Variants in INTS2 observed in about 807,000 individuals in gnomAD.
The protein encoded by INTS2 is integrator complex subunit 2.
In INTS2, 57 loss-of-function variants were observed where a neutral mutation model predicts 139.6. The observed-to-expected ratio is 0.41, with a 90% CI of 0.33 to 0.51. The LOEUF (loss-of-function observed/expected upper bound fraction) is 0.51, where lower values mean the gene tolerates loss of function less well. INTS2 is among the 20% of genes least tolerant of loss of function. The pLI, the probability that INTS2 is intolerant of heterozygous loss-of-function variation, is 0.28. For synonymous variants in INTS2, 473 were observed against 493.4 expected, an observed-to-expected ratio of 0.96 and a Z score of 0.55; for missense variants, 1,196 against 1,436.7, an observed-to-expected ratio of 0.83 and a Z score of 2.71.
In INTS2 at chr17:61,926,350, A is replaced by T; in HGVS notation, c.293+2T>A. On this transcript the variant is annotated splice_donor_variant, in intron 2 of 24. Transcript: ENST00000251334. LOFTEE classifies it high-confidence loss of function. ...TCCACATATAATATAACATAACATTACCTAAGCTGCTGTTCTTTGCTGGCA... is the reference window on the plus strand; with the variant it reads ...TCCACATATAATATAACATAACATTTCCTAAGCTGCTGTTCTTTGCTGGCA... The T allele has an allele frequency of 6.3e-7, 1 of 1,586,356 alleles. No individual in the cohort carries two copies. Among genetic ancestry groups the T allele is most frequent in the Non-Finnish European group, 8.6e-7 (1 of 1,162,294 alleles).
At position 61,868,568 on chromosome 17, in the gene INTS2, A is replaced by C. The variant is rs2079064415; in HGVS notation, c.3244+466T>G. ...TTATTTTCAGACCATTTTATTCTAC[A>C]AACCAGAAGGTGGTTAAAATATCAG... On this transcript the variant is annotated intron_variant, in intron 23 of 24. Transcript: ENST00000251334. This position sits in a 1 kb window ranked among gnomAD's most constrained non-coding sequence, Gnocchi z 4.7. 6.6e-6 allele frequency among the ~76,000 whole-genome samples: 1 copy of C among 152,160 alleles called. No individual in the cohort carries two copies. Among genetic ancestry groups the C allele is most frequent in the Admixed American group, 6.5e-5 (1 of 15,278 alleles).
intron 8 of INTS2, among the ~76,000 whole-genome samples, chr17:61,906,313 C>A (rs992329478): frequency 1.3e-5 from 2 of 152,152 alleles, no homozygotes; most frequent in African/African-American, 4.8e-5. Context: ...AAATCCCAAA[C>A]GCTTCTGGTC....
intron 1 of INTS2, 68 bp from the exon 2 acceptor site, chr17:61,926,730 A>G (rs746187776): frequency 1.8e-5 from 23 of 1,266,004 alleles, no homozygotes; most frequent in Non-Finnish European, 2.5e-5. Context: ...AACTTTCTAA[A>G]AACCCTGAAA....
At chr17:61,911,383 A>T in intron 7 of INTS2, 137 bp downstream of exon 7, 3 of 618,264 alleles carry the variant, frequency 4.9e-6, no homozygotes, top group Non-Finnish European at 7.5e-6. Flanking sequence ...GTGATTTTTT[A>T]AAATATAAGG....
Position 61,927,930 on chromosome 17 carries a change from A to C in INTS2, c.-295T>G. The C allele has an allele frequency of 6.2e-7, 1 of 1,614,018 alleles. No homozygotes were observed. Among genetic ancestry groups the C allele is most frequent in the Non-Finnish European group, 8.5e-7 (1 of 1,179,896 alleles). On this transcript the variant is annotated 5_prime_UTR_variant, in exon 1 of 25. Transcript: ENST00000251334. ...CGGGAGACTTTTTCAACCTGCACCC[A>C]GCACCTTCATTCATCCCCAGCGTCT...
chr17:61,885,723 ATTTTT>A (rs1306536844), intron 15 of INTS2, among the ~76,000 whole-genome samples: 2 of 87,200 alleles, frequency 2.3e-5, no homozygotes, highest in Non-Finnish European at 2.1e-5. Context: ...GGCCCGGCCA[ATTTTT>A]TTTTTTTTTT....
At chr17:61,901,998 T>C (rs573679370) in intron 9 of INTS2, among the ~76,000 whole-genome samples, 1 of 152,304 alleles carries the variant, frequency 6.6e-6, no homozygotes, top group Admixed American at 6.5e-5. Flanking sequence ...ATTGATAGTT[T>C]GATGGGGTAT....
At position 61,882,580 on chromosome 17, in the gene INTS2, T is replaced by C. The variant is rs898517805; in HGVS notation, c.2090-1409A>G. ...CCTGTCTCTACTAAAAATACAAAAA[T>C]TAGCCAGGCGTGGTGGCACACGCCT... On this transcript the variant is annotated intron_variant, in intron 16 of 24. Transcript: ENST00000251334. The surrounding 1 kb of genome is among the most constrained non-coding windows in gnomAD (Gnocchi z 4.7). 5.9e-5 allele frequency among the ~76,000 whole-genome samples: 9 copies of C among 152,042 alleles called. No individual in the cohort carries two copies. The highest frequency in any genetic ancestry group is 2.2e-4 in the African/African-American group (9 of 41,408).
intron 2 of INTS2, among the ~76,000 whole-genome samples, chr17:61,925,439 T>A (rs1279747190): frequency 1.3e-5 from 2 of 151,720 alleles, no homozygotes; most frequent in Non-Finnish European, 2.9e-5. Flanking sequence ...AAGCCGGGCA[T>A]GGTGGCGCGT....
rs77293267 is a variant in INTS2, at chr17:61,901,435, T to G, written c.1307+3025A>C. On this transcript the variant is annotated intron_variant, in intron 9 of 24. Transcript: ENST00000251334. ...CTCTTCAAAATCAGTATGACTAATATCAAAGAAATTATGCTATAATGAACC... is the reference window on the plus strand; with the variant it reads ...CTCTTCAAAATCAGTATGACTAATAGCAAAGAAATTATGCTATAATGAACC... 3.2e-3 allele frequency among the ~76,000 whole-genome samples: 491 copies of G among 151,180 alleles called. 2 individuals carry two copies. The highest frequency in any genetic ancestry group is 0.011 in the African/African-American group (444 of 41,294).
Position 61,872,599 on chromosome 17 carries a change from T to C in INTS2, c.2583-139A>G, listed in dbSNP as rs938564489. 4 of 494,948 alleles carry C rather than the reference T, an allele frequency of 8.1e-6. No individual in the cohort carries two copies. The highest frequency in any genetic ancestry group is 5.5e-5 in the South Asian group (1 of 18,210). 30.7% of individuals were successfully genotyped at this position (494,948 alleles called of 1,614,324 possible). A position where few individuals can be genotyped will look rare whatever the true frequency, so the allele number is the denominator to read the frequency against. On this transcript the variant is annotated intron_variant, in intron 19 of 24. Coordinates refer to ENST00000251334, the MANE Select transcript of INTS2 (RefSeq NM_001351695.2). This position sits in a 1 kb window ranked among gnomAD's most constrained non-coding sequence, Gnocchi z 4.8. Reference sequence around the variant, plus strand: ...TAACTTTTCCCACTAAAATATTCATTCTCAAAAGTTTAATATATGTTTCTT... The same window carrying C: ...TAACTTTTCCCACTAAAATATTCATCCTCAAAAGTTTAATATATGTTTCTT...
chr17:61,891,519 G>T lies in INTS2; in HGVS notation c.1869C>A (p.Val623=). ...AAAAGAACCACTATTTTACCCCAAT[G>T]ACTCCTTGGAAAATATTGAGTATCT... ...EQEILNIFQG[V]IGGDNIRLNQ... Residue 623 remains valine (V), a synonymous_variant, in exon 14 of 25, where the codon GTC becomes GTA. Transcript: ENST00000251334. The T allele has an allele frequency of 6.2e-7, 1 of 1,611,634 alleles. No individual in the cohort carries two copies. Among genetic ancestry groups the T allele is most frequent in the South Asian group, 1.1e-5 (1 of 90,674 alleles).
chr17:61,889,719 G>C (rs2079269915), intron 15 of INTS2, 67 bp downstream of exon 15: 2 of 761,556 alleles, frequency 2.6e-6, no homozygotes, highest in African/African-American at 3.5e-5. Flanking sequence ...GAACAGTTTG[G>C]AAAGTAACAA....
At chr17:61,926,734 C>G in intron 1 of INTS2, 72 bp from the exon 2 acceptor site, 2 of 1,249,202 alleles carry the variant, frequency 1.6e-6, no homozygotes, top group East Asian at 5.0e-5. Context: ...TTCTAAAAAC[C>G]CTGAAAAATG....
chr17:61,926,276 T>G lies in INTS2; in HGVS notation c.293+76A>C, dbSNP rs185830338. The G allele has an allele frequency of 5.0e-5, 60 of 1,193,604 alleles. No individual in the cohort carries two copies. The East Asian group carries it at 1.4e-3, about 28-fold the overall frequency. 73.9% of individuals were successfully genotyped at this position (1,193,604 alleles called of 1,614,324 possible). A position where few individuals can be genotyped will look rare whatever the true frequency, so the allele number is the denominator to read the frequency against. On this transcript the variant is annotated intron_variant, in intron 2 of 24. Coordinates refer to ENST00000251334, the MANE Select transcript of INTS2 (RefSeq NM_001351695.2). ...ATTTAGATTCTCATTCTCTCTTTTC[T>G]GGAGAGCTCTAAAAAATATCTGATT...
In INTS2 at chr17:61,871,817, C is replaced by T. The variant is rs2079090911; in HGVS notation, c.2778+448G>A. Among the ~76,000 whole-genome samples the T allele has an allele frequency of 6.6e-6, 1 of 151,978 alleles. No individual in the cohort carries two copies. Among genetic ancestry groups the T allele is most frequent in the Admixed American group, 6.6e-5 (1 of 15,258 alleles). On this transcript the variant is annotated intron_variant, in intron 20 of 24. Transcript: ENST00000251334. This position sits in a 1 kb window ranked among gnomAD's most constrained non-coding sequence, Gnocchi z 4.9. Reference sequence around the variant, plus strand: ...GGTGTGGTGGCATGTGCCTGTAGTCCCAGCTACTCAGGAGGCTGAGGCAGG... The same window carrying T: ...GGTGTGGTGGCATGTGCCTGTAGTCTCAGCTACTCAGGAGGCTGAGGCAGG...
Position 61,869,423 on chromosome 17 carries a change from CT to C in INTS2, c.3031-44del. ...GGGAAAAAAGTCAGAAATAAAATAA[CT>C]ATAAAAGTACAGATAAAAATACAAA... On this transcript the variant is annotated intron_variant, in intron 21 of 24. Transcript: ENST00000251334. The surrounding 1 kb of genome is among the most constrained non-coding windows in gnomAD (Gnocchi z 5.4). The C allele has an allele frequency of 7.8e-7, 1 of 1,275,574 alleles. No individual in the cohort carries two copies. The highest frequency in any genetic ancestry group is 1.1e-6 in the Non-Finnish European group (1 of 903,752). 79.0% of individuals were successfully genotyped at this position (1,275,574 alleles called of 1,614,324 possible).
intron 17 of INTS2, among the ~76,000 whole-genome samples, chr17:61,880,471 G>A (rs770966787): frequency 6.6e-6 from 1 of 152,064 alleles, no homozygotes; most frequent in Non-Finnish European, 1.5e-5. Flanking sequence ...AAAAATTCCT[G>A]GCCAGGCACA....
chr17:61,901,570 A>C (rs1000859091), intron 9 of INTS2, among the ~76,000 whole-genome samples: 2 of 136,176 alleles, frequency 1.5e-5, no homozygotes, highest in African/African-American at 5.3e-5. Flanking sequence ...AAAAGGCAGA[A>C]TGATTTCTTT....
Sources: gnomAD v4.1 joint callset for allele counts (sites outside exome capture counted in the v4.1 genomes callset) on GRCh38, gnomAD v4.1.1 for gene constraint, Gnocchi (gnomAD v3.1) non-coding constraint, MANE v1.5 for transcripts, NCBI Gene and HGNC (gene_info 2026-07-23, HGNC 2026-07-21) for gene names.